ACLY: variants seen among roughly 807,000 people sequenced by gnomAD.
ACLY encodes ATP-citrate synthase.
Under a neutral mutation model 133.0 loss-of-function variants are expected in ACLY, and 41 were observed. The observed-to-expected ratio is 0.31, with a 90% CI of 0.24 to 0.40. The LOEUF (loss-of-function observed/expected upper bound fraction) is 0.40, where lower values mean the gene tolerates loss of function less well. Among genes scored for constraint, ACLY ranks in the 10% least tolerant of loss-of-function variants. ACLY has a pLI of 1.00. For missense variants in ACLY, 1,046 were observed against 1,453.8 expected, an observed-to-expected ratio of 0.72 and a Z score of 4.56; for synonymous variants, 495 against 549.3, an observed-to-expected ratio of 0.90 and a Z score of 1.38.
upstream of ACLY, among the ~76,000 whole-genome samples, chr17:41,919,960 G>A (rs782625376): frequency 8.5e-5 from 13 of 152,124 alleles, no homozygotes; most frequent in Non-Finnish European, 1.5e-4. Flanking sequence ...CTGTAGGTCC[G>A]GAGCTGCTCC....
At chr17:41,925,409 C>T (rs1598058648) in intron 1 of ACLY, among the ~76,000 whole-genome samples, 1 of 131,346 alleles carries the variant, frequency 7.6e-6, no homozygotes, top group Non-Finnish European at 1.6e-5. Context: ...CCAGCCTGGG[C>T]AACATTGCAA....
At position 41,901,565 on chromosome 17, in the gene ACLY, C is replaced by T. The variant is rs535070215; in HGVS notation, c.1183+131G>A. ...TCTGTGTTGGGACAGGGAATGGAAA[C>T]CCAAACTGCACACCCAGGAAGGGGA... On this transcript the variant is annotated intron_variant, in intron 11 of 28. Transcript: ENST00000352035. 45 of 764,212 alleles carry T rather than the reference C, an allele frequency of 5.9e-5. No homozygotes were observed. The South Asian group carries it at 7.6e-4, about 13-fold the overall frequency. 47.3% of individuals were successfully genotyped at this position (764,212 alleles called of 1,614,324 possible).
At chr17:41,873,986 G>A in intron 22 of ACLY, 21 bp from the exon 23 acceptor site, 1 of 1,575,956 alleles carries the variant, frequency 6.3e-7, no homozygotes, top group Non-Finnish European at 8.7e-7. Context: ...ATGGGGAAGA[G>A]GGAAGCAGGG....
intron 3 of ACLY, among the ~76,000 whole-genome samples, chr17:41,911,038 C>T (rs2049887765): frequency 1.3e-5 from 2 of 152,138 alleles, no homozygotes; most frequent in South Asian, 2.1e-4. Context: ...TGCTCAGCAT[C>T]CCTCCCTCCA....
chr17:41,870,162 T>C (rs2048562632), intron 25 of ACLY, among the ~76,000 whole-genome samples: 1 of 152,164 alleles, frequency 6.6e-6, no homozygotes, highest in Non-Finnish European at 1.5e-5. Flanking sequence ...GCAAAAGAGA[T>C]AGCTGGGTCA....
At chr17:41,882,071 A>G (rs1555627416) in intron 20 of ACLY, among the ~76,000 whole-genome samples, 1 of 152,036 alleles carries the variant, frequency 6.6e-6, no homozygotes, top group African/African-American at 2.4e-5. Context: ...CCTGATAAGC[A>G]TGTAAGTTGT....
intron 16 of ACLY, 23 bp downstream of exon 16, chr17:41,892,255 AC>A: frequency 5.5e-6 from 1 of 181,378 alleles, no homozygotes; most frequent in Non-Finnish European, 8.3e-6. Flanking sequence ...CCCACCCCCC[AC>A]CCTCCAGAGC....
chr17:41,884,241 T>A lies in ACLY; in HGVS notation c.2106A>T (p.Leu702Phe). 1 of 1,612,930 alleles carries A rather than the reference T, an allele frequency of 6.2e-7. No individual in the cohort carries two copies. The highest frequency in any genetic ancestry group is 8.5e-7 in the Non-Finnish European group (1 of 1,178,938). The change falls in exon 19 of 29, where the codon TTA (leucine) becomes TTT (phenylalanine). Residue 702 changes from leucine (L) to phenylalanine (F), a missense_variant. This residue lies in a region of ACLY where 575 missense variants were observed against 804.2 expected (regional missense o/e 0.71). Coordinates refer to ENST00000352035, the MANE Select transcript of ACLY (RefSeq NM_001096.3). ...TGACTCCTGGAGTGTCCTGATAGCGTAACACATGATCCATGAATGTGGAGC... is the reference window on the plus strand; with the variant it reads ...TGACTCCTGGAGTGTCCTGATAGCGAAACACATGATCCATGAATGTGGAGC... ...YPGSTFMDHV[L>F]RYQDTPGVKM...
Position 41,907,551 on chromosome 17 carries a change from T to C in ACLY, c.638A>G (p.Tyr213Cys), listed in dbSNP as rs200766140. 2 of 1,614,086 alleles carry C rather than the reference T, an allele frequency of 1.2e-6. No individual in the cohort carries two copies. Among genetic ancestry groups the C allele is most frequent in the East Asian group, 2.2e-5 (1 of 44,858 alleles). ...NPLVVTKDGV[Y>C]VLDLAAKVDA... ...CACCTTGGCCGCCAAGTCAAGGACA[T>C]AGACTCCATCTTTGGTCACTACTTC... is the stretch of plus-strand genomic sequence containing the variant. The change falls in exon 7 of 29, where the codon TAT becomes TGT. Residue 213 changes from tyrosine to cysteine, a missense_variant. Transcript: ENST00000352035.
chr17:41,880,774 C>T (rs1354253506), intron 20 of ACLY, among the ~76,000 whole-genome samples: 2 of 151,498 alleles, frequency 1.3e-5, no homozygotes, highest in Non-Finnish European at 2.9e-5. Flanking sequence ...GCTGAAACAG[C>T]AGAATGGCGT....
In ACLY at chr17:41,892,130, A is replaced by C. The variant is rs1263418320; in HGVS notation, c.1770+149T>G. The C allele has an allele frequency of 5.3e-6, 4 of 749,998 alleles. No individual in the cohort carries two copies. The East Asian group carries it at 1.2e-4, about 22-fold the overall frequency. 46.5% of individuals were successfully genotyped at this position (749,998 alleles called of 1,614,324 possible). A position where few individuals can be genotyped will look rare whatever the true frequency, so the allele number is the denominator to read the frequency against. ...CACCTAAACCACTGGCTACTCCCAA[A>C]TCCCCAGCCCTTTGTCCCAGGCAGC... On this transcript the variant is annotated intron_variant, in intron 16 of 28. Coordinates refer to ENST00000352035, the MANE Select transcript of ACLY (RefSeq NM_001096.3).
chr17:41,872,663 G>C (rs2048626873), intron 23 of ACLY, among the ~76,000 whole-genome samples: 1 of 152,180 alleles, frequency 6.6e-6, no homozygotes, highest in African/African-American at 2.4e-5. Flanking sequence ...TTTGAAACCA[G>C]AGTTTTGAAT....
intron 15 of ACLY, among the ~76,000 whole-genome samples, 170 bp downstream of exon 15, chr17:41,892,863 G>A (rs2049253667): frequency 6.6e-6 from 1 of 152,102 alleles, no homozygotes; most frequent in African/African-American, 2.4e-5. Context: ...TATCTGTAGA[G>A]ATGGGGGTCT....
intron 11 of ACLY, among the ~76,000 whole-genome samples, chr17:41,900,740 T>C (rs2049514428): frequency 6.6e-6 from 1 of 151,796 alleles, no homozygotes; most frequent in South Asian, 2.1e-4. Context: ...ATAATAATAA[T>C]AATAAATATG....
intron 14 of ACLY, among the ~76,000 whole-genome samples, chr17:41,894,376 CAAAAAAAAAAA>C (rs11351286): frequency 1.7e-5 from 1 of 59,952 alleles, no homozygotes; most frequent in African/African-American, 6.6e-5. Flanking sequence ...GACCCTGTCT[CAAAAAAAAAAA>C]AAAAAAAAAA....
intron 7 of ACLY, among the ~76,000 whole-genome samples, chr17:41,907,127 G>T (rs2144383572): frequency 6.6e-6 from 1 of 152,226 alleles, no homozygotes; most frequent in East Asian, 1.9e-4. Context: ...AAAATTCTCA[G>T]TGAGACGCGG....
chr17:41,874,574 CTTTT>C (rs1172812451), intron 22 of ACLY, among the ~76,000 whole-genome samples: 5 of 130,350 alleles, frequency 3.8e-5, no homozygotes, highest in Admixed American at 7.8e-5. Flanking sequence ...TCCATTGCTT[CTTTT>C]TTTTTTTTTT....
chr17:41,890,413 G>C (rs755745151), intron 16 of ACLY, among the ~76,000 whole-genome samples: 2 of 151,870 alleles, frequency 1.3e-5, no homozygotes, highest in Non-Finnish European at 2.9e-5. Context: ...TGCCGGGCGC[G>C]GTGGCTCACG....
At chr17:41,904,595 T>C in intron 10 of ACLY, 134 bp downstream of exon 10, 1 of 790,884 alleles carries the variant, frequency 1.3e-6, no homozygotes, top group Non-Finnish European at 2.1e-6. Context: ...TAAGAGACCC[T>C]GGGGCAAGAG....
Sources: allele counts gnomAD v4.1 joint callset (sites outside exome capture counted in the v4.1 genomes callset), GRCh38; gene constraint gnomAD v4.1.1; regional missense constraint gnomAD v4.1.1; transcripts MANE v1.5; gene names NCBI Gene and HGNC (gene_info 2026-07-23, HGNC 2026-07-21).